The following APOL1 variants were observed in gnomAD, a reference collection of about 807,000 sequenced individuals.
The protein encoded by APOL1 is apolipoprotein L1, also known as apolipoprotein L 1.
A neutral mutation model predicts 14.9 loss-of-function variants in APOL1; 17 were observed. The observed-to-expected ratio is 1.14, with a 90% CI of 0.78 to 1.71. The LOEUF is 1.71. APOL1 is among the 40% of genes most tolerant of loss of function. APOL1 has a pLI of 0.00. For missense variants in APOL1, 523 were observed against 485.9 expected (o/e 1.08, Z -0.72); for synonymous variants, 195 against 184.8 (o/e 1.05, Z -0.45).
chr22:36,262,013 G>T (rs2016091353), intron 5 of APOL1, among the ~76,000 whole-genome samples: 2 of 152,202 alleles, frequency 1.3e-5, no homozygotes, highest in South Asian at 4.1e-4. Context: ...TTCATCAATG[G>T]AGTTTTATTG....
chr22:36,255,135 C>A (rs536508530), intron 2 of APOL1, 136 bp downstream of exon 2: 5 of 1,085,586 alleles, frequency 4.6e-6, no homozygotes, highest in South Asian at 2.6e-5. Flanking sequence ...ATTGACCAAC[C>A]GGCAGACTCG....
Sources: allele counts gnomAD v4.1 joint callset (sites outside exome capture counted in the v4.1 genomes callset), GRCh38; gene constraint gnomAD v4.1.1; transcripts MANE v1.5; gene names NCBI Gene and HGNC (gene_info 2026-07-23, HGNC 2026-07-21).